The following ANKRD12 variants were observed in gnomAD, a reference collection of about 807,000 sequenced individuals.
ANKRD12 encodes ankyrin repeat domain-containing protein 12.
ANKRD12 carries 85 observed loss-of-function variants against 183.4 expected under a neutral mutation model. The ratio of observed to expected loss-of-function variants is 0.46; its 90% confidence interval spans 0.39 to 0.56. ANKRD12 has a LOEUF of 0.56. Ranked by LOEUF, ANKRD12 falls within the 20% of genes least tolerant of loss-of-function variation. The probability of loss-of-function intolerance (pLI) is 0.00; values close to 1 mark genes in which losing one functional copy is unlikely to be tolerated. For synonymous variants in ANKRD12, 914 were observed against 800.2 expected (o/e 1.14, Z -2.40); for missense variants, 2,405 against 2,357.1 (o/e 1.02, Z -0.42).
intron 8 of ANKRD12, among the ~76,000 whole-genome samples, chr18:9,234,566 C>G (rs1290125380): frequency 6.6e-6 from 1 of 152,136 alleles, no homozygotes; most frequent in East Asian, 1.9e-4. Flanking sequence ...TGGGTCCAGC[C>G]AACACTGTGC....
chr18:9,224,524 A>G (rs143685814), intron 8 of ANKRD12, among the ~76,000 whole-genome samples: 13 of 152,360 alleles, frequency 8.5e-5, no homozygotes, highest in African/African-American at 7.2e-5. Flanking sequence ...TGCTTGAATA[A>G]AAACTGCCCG....
chr18:9,200,559 C>T (rs1206851086), intron 3 of ANKRD12: 1 of 152,032 alleles, frequency 6.6e-6, no homozygotes, highest in Non-Finnish European at 1.5e-5. Context: ...TAAATCATGG[C>T]AGTGTTTACT....
rs2038556671 is a variant in ANKRD12, at chr18:9,255,540, G to A, written c.2273G>A (p.Ser758Asn). ...GAACGAGACAAGATTAAAAAGGAAA[G>A]CGAGAAATCTTTTAGGGAGGAAAAA... ...KEERDKIKKE[S>N]EKSFREEKIK... is the part of the protein sequence containing the mutation. Residue 758 changes from serine (S) to asparagine (N), a missense_variant, in exon 9 of 13, where the codon AGC becomes AAC. This residue lies in a region of ANKRD12 where 1,983 missense variants were observed against 1,725.9 expected (regional missense o/e 1.15). Transcript: ENST00000262126. 1.3e-6 allele frequency: 2 copies of A among 1,576,956 alleles called. No individual in the cohort carries two copies. Among genetic ancestry groups the A allele is most frequent in the East Asian group, 2.3e-5 (1 of 44,140 alleles).
chr18:9,279,581 C>A lies in ANKRD12; in HGVS notation c.5940C>A (p.Arg1980=). 1 of 1,606,776 alleles carries A rather than the reference C, an allele frequency of 6.2e-7. No individual in the cohort carries two copies. Among genetic ancestry groups the A allele is most frequent in the Non-Finnish European group, 8.5e-7 (1 of 1,177,882 alleles). ...SDDSKTSVRD[R]FNARQFMSWL... ...ACAGTAAAACTTCTGTGAGGGATCG[C>A]TTTAATGCAAGACAATTCATGTCTT... The change falls in exon 12 of 13, where the codon CGC becomes CGA. Residue 1980 remains arginine, a synonymous_variant. Coordinates refer to ENST00000262126, the MANE Select transcript of ANKRD12 (RefSeq NM_015208.5).
At position 9,255,249 on chromosome 18, in the gene ANKRD12, AAAAAG is replaced by A; in HGVS notation, c.1988_1992del (p.Glu663AlafsTer2). The A allele has an allele frequency of 6.4e-7, 1 of 1,569,752 alleles. No individual in the cohort carries two copies. The highest frequency in any genetic ancestry group is 8.6e-7 in the Non-Finnish European group (1 of 1,167,028). On this transcript the variant is annotated frameshift_variant, in exon 9 of 13. Coordinates refer to ENST00000262126, the MANE Select transcript of ANKRD12 (RefSeq NM_015208.5). LOFTEE classifies it high-confidence loss of function. The stretch of plus-strand genomic sequence containing the variant: ...CATAAATTGAAGCATAAAGAGAGGG[AAAAAG>A]AAAAGCATAAAAAAGAAATTGAAGG...
At chr18:9,161,336 T>A (rs2031382352) in intron 1 of ANKRD12, among the ~76,000 whole-genome samples, 1 of 151,838 alleles carries the variant, frequency 6.6e-6, no homozygotes, top group African/African-American at 2.4e-5. Context: ...TTTTTGTCCT[T>A]TTTTTTCTCT....
At chr18:9,232,105 G>A (rs938440572) in intron 8 of ANKRD12, among the ~76,000 whole-genome samples, 1 of 152,102 alleles carries the variant, frequency 6.6e-6, no homozygotes, top group Non-Finnish European at 1.5e-5. Context: ...GTTATTTTGT[G>A]TATTATTCTT....
At chr18:9,223,112 G>A (rs1000653285) in intron 8 of ANKRD12, among the ~76,000 whole-genome samples, 32 of 152,192 alleles carry the variant, frequency 2.1e-4, no homozygotes, top group African/African-American at 7.0e-4. Flanking sequence ...TTTGAGAGGT[G>A]ATAATAAAAG....
chr18:9,182,938 A>G (rs1438075486), intron 2 of ANKRD12, among the ~76,000 whole-genome samples: 5 of 151,994 alleles, frequency 3.3e-5, no homozygotes, highest in African/African-American at 9.7e-5. Context: ...GGTTTTATAC[A>G]TTGTCTTTGA....
intron 8 of ANKRD12, among the ~76,000 whole-genome samples, chr18:9,223,524 A>G (rs1045344861): frequency 6.6e-6 from 1 of 152,222 alleles, no homozygotes; most frequent in Admixed American, 6.5e-5. Context: ...GACGTTAGAC[A>G]AAGAATTGAA....
chr18:9,208,903 C>T, intron 5 of ANKRD12, 100 bp downstream of exon 5: 1 of 1,176,084 alleles, frequency 8.5e-7, no homozygotes, highest in East Asian at 2.6e-5. Flanking sequence ...AATTTTTATT[C>T]TTTCTTGGAT....
In ANKRD12 at chr18:9,254,258, A is replaced by G; in HGVS notation, c.991A>G (p.Ile331Val). 6.3e-7 allele frequency: 1 copy of G among 1,599,552 alleles called. No individual in the cohort carries two copies. Among genetic ancestry groups the G allele is most frequent in the Non-Finnish European group, 8.5e-7 (1 of 1,175,732 alleles). Residue 331 changes from isoleucine to valine, a missense_variant, in exon 9 of 13, where the codon ATT becomes GTT. Transcript: ENST00000262126. Reference sequence around the variant, plus strand: ...AAATCCTTCTAGTGTTGATGAAAATATTGACTCTGAAACAGAGAAAGACTC... The same window carrying G: ...AAATCCTTCTAGTGTTGATGAAAATGTTGACTCTGAAACAGAGAAAGACTC... ...SVNPSSVDEN[I>V]DSETEKDSLI...
chr18:9,278,342 C>T (rs993404647), intron 11 of ANKRD12, among the ~76,000 whole-genome samples: 1 of 152,202 alleles, frequency 6.6e-6, no homozygotes, highest in Non-Finnish European at 1.5e-5. Context: ...TTAGTCTACT[C>T]TCTTATCACT....
rs1259056834 is a variant in ANKRD12, at chr18:9,281,303, T to G, written c.*177T>G. Reference sequence around the variant, plus strand: ...AAAAAATGAGAATTATTTTGGATCTTAGATCCAAACACAGTTTCTAATAGA... The same window carrying G: ...AAAAAATGAGAATTATTTTGGATCTGAGATCCAAACACAGTTTCTAATAGA... On this transcript the variant is annotated 3_prime_UTR_variant, in exon 13 of 13. Transcript: ENST00000262126. 1 of 505,470 alleles carries G rather than the reference T, an allele frequency of 2.0e-6. No individual in the cohort carries two copies. The highest frequency in any genetic ancestry group is 3.5e-5 in the East Asian group (1 of 28,552). The allele number at this position is 505,470 out of a possible 1,614,324, so 31.3% of individuals were successfully genotyped here.
At chr18:9,158,680 C>G (rs546821685) in intron 1 of ANKRD12, among the ~76,000 whole-genome samples, 6 of 152,176 alleles carry the variant, frequency 3.9e-5, no homozygotes, top group Non-Finnish European at 5.9e-5. Context: ...CTCTACAGCA[C>G]AGTTACTCTT....
At chr18:9,228,092 A>G (rs543569943) in intron 8 of ANKRD12, among the ~76,000 whole-genome samples, 1 of 152,158 alleles carries the variant, frequency 6.6e-6, no homozygotes, top group African/African-American at 2.4e-5. Context: ...AATTCCATCC[A>G]TGTTGCTGCA....
intron 3 of ANKRD12, among the ~76,000 whole-genome samples, chr18:9,201,699 T>C (rs2035177221): frequency 6.6e-6 from 1 of 152,218 alleles, no homozygotes; most frequent in Admixed American, 6.5e-5. Flanking sequence ...GATAAACCAG[T>C]AGTCCTTTGT....
chr18:9,173,528 A>G lies in ANKRD12; in HGVS notation c.-51-8854A>G, dbSNP rs1425525871. ...CCCTAGTTGTCTTGGTCTTTCCTTT[A>G]CCTGTAGGTATATCACCAGTGAAGG... On this transcript the variant is annotated intron_variant, in intron 1 of 12. Transcript: ENST00000262126. Among the ~76,000 whole-genome samples, 4 of 145,362 alleles carry G rather than the reference A, an allele frequency of 2.8e-5. No individual in the cohort carries two copies. In the East Asian group the frequency reaches 8.3e-4, roughly 30 times the overall value.
chr18:9,262,446 T>G (rs1476878888), intron 9 of ANKRD12, among the ~76,000 whole-genome samples: 2 of 152,070 alleles, frequency 1.3e-5, no homozygotes. Context: ...ATCTTTTGTT[T>G]TGTTTTGTTT....
Sources: gnomAD v4.1 joint callset for allele counts (sites outside exome capture counted in the v4.1 genomes callset) on GRCh38, gnomAD v4.1.1 for gene constraint, gnomAD v4.1.1 regional missense constraint, MANE v1.5 for transcripts, NCBI Gene and HGNC (gene_info 2026-07-23, HGNC 2026-07-21) for gene names.